The following RPS6KC1 variants were observed in gnomAD, a reference collection of about 807,000 sequenced individuals.
RPS6KC1 encodes inactive ribosomal protein S6 kinase delta-1.
RPS6KC1 carries 54 observed loss-of-function variants against 103.8 expected under a neutral mutation model. The ratio of observed to expected loss-of-function variants is 0.52; its 90% CI spans 0.42 to 0.65. RPS6KC1 has a LOEUF of 0.65. RPS6KC1 is among the 30% of genes least tolerant of loss of function. The pLI is 0.00. For synonymous variants in RPS6KC1, 439 were observed against 438.7 expected (o/e 1.00, Z -0.01); for missense variants, 1,151 against 1,253.8 (o/e 0.92, Z 1.24).
intron 9 of RPS6KC1, 128 bp from the exon 10 acceptor site, chr1:213,231,995 A>T: frequency 8.8e-7 from 1 of 1,141,166 alleles, no homozygotes; most frequent in Non-Finnish European, 1.3e-6. Flanking sequence ...GCAGCAGATG[A>T]GTGGTTTCTC....
At chr1:213,478,124 C>T in the RPS6KC1 span, among the ~76,000 whole-genome samples, 2 of 152,240 alleles carry the variant, frequency 1.3e-5, no homozygotes, top group African/African-American at 4.8e-5. Flanking sequence ...AGTATACAGC[C>T]TTTTCAGATT....
the RPS6KC1 span, among the ~76,000 whole-genome samples, chr1:213,585,928 G>T: frequency 6.6e-6 from 1 of 152,194 alleles, no homozygotes; most frequent in Non-Finnish European, 1.5e-5. Flanking sequence ...GTGGAGAGGG[G>T]ATATGCTGGA....
chr1:213,186,415 CTT>C (rs2092535684), intron 8 of RPS6KC1, among the ~76,000 whole-genome samples: 3 of 152,054 alleles, frequency 2.0e-5, no homozygotes, highest in Non-Finnish European at 4.4e-5. Flanking sequence ...TTGTTTCACT[CTT>C]GTCTGCGTGG....
chr1:213,734,996 T>C, the RPS6KC1 span, among the ~76,000 whole-genome samples: 1 of 152,222 alleles, frequency 6.6e-6, no homozygotes, highest in Admixed American at 6.5e-5. Context: ...TGATCTCGGC[T>C]CACTGCAAGC....
the RPS6KC1 span, among the ~76,000 whole-genome samples, chr1:213,610,010 AC>A: frequency 6.6e-6 from 1 of 152,248 alleles, no homozygotes; most frequent in South Asian, 2.1e-4. Context: ...ACATACATGA[AC>A]TTTTTCAGTC....
At chr1:213,617,841 AT>A in the RPS6KC1 span, among the ~76,000 whole-genome samples, 1 of 152,058 alleles carries the variant, frequency 6.6e-6, no homozygotes, top group Non-Finnish European at 1.5e-5. Context: ...AAAGAATGAG[AT>A]TTTTCTTATT....
At chr1:213,594,950 C>T in the RPS6KC1 span, among the ~76,000 whole-genome samples, 38 of 152,152 alleles carry the variant, frequency 2.5e-4, no homozygotes, top group African/African-American at 8.9e-4. Flanking sequence ...TCTTGGCCTT[C>T]GTGGCACTGG....
At chr1:213,068,881 G>A (rs1182787100) in intron 1 of RPS6KC1, among the ~76,000 whole-genome samples, 10 of 132,956 alleles carry the variant, frequency 7.5e-5, no homozygotes, top group Non-Finnish European at 1.3e-4. Flanking sequence ...ATATGTGTGT[G>A]TGTGTGTGTG....
At chr1:213,111,229 T>C (rs2083001121) in intron 4 of RPS6KC1, among the ~76,000 whole-genome samples, 2 of 152,104 alleles carry the variant, frequency 1.3e-5, no homozygotes, top group South Asian at 2.1e-4. Context: ...TAATTGCCTT[T>C]TGGGGAAAGC....
At chr1:213,123,835 A>C (rs1265405316) in intron 5 of RPS6KC1, among the ~76,000 whole-genome samples, 1 of 152,180 alleles carries the variant, frequency 6.6e-6, no homozygotes, top group East Asian at 1.9e-4. Context: ...TAATGAGGCC[A>C]TGTATTTTAT....
At chr1:213,112,131 G>A (rs1375907541) in intron 4 of RPS6KC1, among the ~76,000 whole-genome samples, 2 of 152,122 alleles carry the variant, frequency 1.3e-5, no homozygotes, top group African/African-American at 4.8e-5. Context: ...TTGTGCTGAA[G>A]TAGAGAGGAA....
the RPS6KC1 span, among the ~76,000 whole-genome samples, chr1:213,312,251 A>C: frequency 1.3e-5 from 2 of 151,654 alleles, no homozygotes; most frequent in African/African-American, 4.8e-5. Flanking sequence ...CTCCCAGTGC[A>C]GGGGGGGCAA....
At chr1:213,516,668 C>T in the RPS6KC1 span, among the ~76,000 whole-genome samples, 3 of 152,138 alleles carry the variant, frequency 2.0e-5, no homozygotes, top group African/African-American at 7.2e-5. Context: ...CGATGTTCAT[C>T]AGGGATATTG....
chr1:213,783,465 G>T, the RPS6KC1 span, among the ~76,000 whole-genome samples: 3 of 152,138 alleles, frequency 2.0e-5, no homozygotes, highest in Non-Finnish European at 4.4e-5. Context: ...GTTGAAAGCT[G>T]TGTTTGTTGC....
chr1:213,855,990 A>G, the RPS6KC1 span, among the ~76,000 whole-genome samples: 1 of 152,146 alleles, frequency 6.6e-6, no homozygotes, highest in African/African-American at 2.4e-5. Context: ...GGCTGCAGGG[A>G]GTGGAGAACA....
At chr1:213,729,232 G>T in the RPS6KC1 span, among the ~76,000 whole-genome samples, 447 of 152,186 alleles carry the variant, frequency 2.9e-3, 2 homozygotes, top group African/African-American at 0.01. Flanking sequence ...GAAGTAAGCA[G>T]GTTACCTCTT....
At chr1:213,434,457 T>C in the RPS6KC1 span, among the ~76,000 whole-genome samples, 349 of 152,278 alleles carry the variant, frequency 2.3e-3, 5 homozygotes, top group African/African-American at 6.7e-3. Flanking sequence ...TCTTTCTTTC[T>C]TTCTTTCTTT....
the RPS6KC1 span, among the ~76,000 whole-genome samples, chr1:213,742,185 T>A: frequency 6.6e-6 from 1 of 151,990 alleles, no homozygotes; most frequent in African/African-American, 2.4e-5. Flanking sequence ...AAATTAACTT[T>A]TTAAAAATTT....
At chr1:213,213,137 T>C (rs540666243) in intron 8 of RPS6KC1, among the ~76,000 whole-genome samples, 2 of 152,334 alleles carry the variant, frequency 1.3e-5, no homozygotes, top group Admixed American at 1.3e-4. Context: ...CTCAGAAAAG[T>C]CATCACCATA....
Sources: allele counts gnomAD v4.1 joint callset (sites outside exome capture counted in the v4.1 genomes callset), GRCh38; gene constraint gnomAD v4.1.1; transcripts MANE v1.5; gene names NCBI Gene and HGNC (gene_info 2026-07-23, HGNC 2026-07-21).